The following KIRREL3 variants were observed in gnomAD, a reference collection of about 807,000 sequenced individuals.
KIRREL3 encodes kirre like nephrin family adhesion molecule 3, also known as kin of IRRE-like protein 3.
A neutral mutation model predicts 89.7 loss-of-function variants in KIRREL3; 36 were observed. The ratio of observed to expected loss-of-function variants is 0.40; its 90% CI spans 0.31 to 0.53. The LOEUF is 0.53. KIRREL3 is among the 20% of genes least tolerant of loss of function. The pLI, the probability that KIRREL3 is intolerant of heterozygous loss-of-function variation, is 0.49. For missense variants in KIRREL3, 864 were observed against 1,056.6 expected (o/e 0.82, Z 2.53); for synonymous variants, 445 against 441.4 (o/e 1.01, Z -0.10).
rs1403442707 is a variant in KIRREL3, at chr11:126,430,669, G to A, written c.1696+750C>T. ...AGTGGCAGAGGAGCAGACCCATTCT[G>A]GTGATTCATTTTTTGCATTACACTT... On this transcript the variant is annotated intron_variant, in intron 14 of 16. Transcript: ENST00000525144. This position sits in a 1 kb window ranked among gnomAD's most constrained non-coding sequence, Gnocchi z 6.6. 6.6e-6 allele frequency among the ~76,000 whole-genome samples: 1 copy of A among 152,052 alleles called. No individual in the cohort carries two copies. The highest frequency in any genetic ancestry group is 1.5e-5 in the Non-Finnish European group (1 of 68,028).
rs979471148 is a variant in KIRREL3 at position 126,463,382 on chromosome 11, C to A, written c.592-75G>T. The A allele has an allele frequency of 5.5e-6, 8 of 1,445,756 alleles. No homozygotes were observed. Among genetic ancestry groups the A allele is most frequent in the Non-Finnish European group, 7.6e-6 (8 of 1,055,038 alleles). 89.6% of individuals were successfully genotyped at this position (1,445,756 alleles called of 1,614,324 possible). ...GTGGCCAGCCTGGGTTGGGGGTAAA[C>A]GAGCACCAGCTTAGACAGAAGGGGG... On this transcript the variant is annotated intron_variant, in intron 5 of 16. Coordinates refer to ENST00000525144, the MANE Select transcript of KIRREL3 (RefSeq NM_032531.4). This position sits in a 1 kb window ranked among gnomAD's most constrained non-coding sequence, Gnocchi z 5.9.
At chr11:126,590,636 T>C (rs1356888742) in intron 1 of KIRREL3, among the ~76,000 whole-genome samples, 1 of 152,220 alleles carries the variant, frequency 6.6e-6, no homozygotes, top group Non-Finnish European at 1.5e-5. Flanking sequence ...ACTGCCACTG[T>C]ACGGTGAGTG....
At position 126,870,590 on chromosome 11, in the gene KIRREL3, G is replaced by A. The variant is rs189569564; in HGVS notation, c.55+129865C>T. On this transcript the variant is annotated intron_variant, in intron 1 of 16. Transcript: ENST00000525144. This position sits in a 1 kb window ranked among gnomAD's most constrained non-coding sequence, Gnocchi z 4.4. Reference sequence around the variant, plus strand: ...CCTGGCTCCACCATACCCTCACCATGCCAGGCTTGGCAGGCCCCAAACTGG... The same window carrying A: ...CCTGGCTCCACCATACCCTCACCATACCAGGCTTGGCAGGCCCCAAACTGG... Among the ~76,000 whole-genome samples, 68 of 152,330 alleles carry A rather than the reference G, an allele frequency of 4.5e-4. 1 individual carries two copies. Among genetic ancestry groups the A allele is most frequent in the African/African-American group, 4.6e-4 (19 of 41,588 alleles).
chr11:126,726,033 G>C (rs1009588710), intron 1 of KIRREL3, among the ~76,000 whole-genome samples: 3 of 152,142 alleles, frequency 2.0e-5, no homozygotes, highest in African/African-American at 7.2e-5. Flanking sequence ...GATAAGCATG[G>C]AAACATGTGG....
At chr11:126,632,679 CT>C (rs67753757) in intron 1 of KIRREL3, among the ~76,000 whole-genome samples, 184 of 194 alleles carry the variant, frequency 0.95, 87 homozygotes, top group African/African-American at 1. Flanking sequence ...GCTCATCCTC[CT>C]TCCCTGCCAC....
chr11:126,535,069 G>C lies in KIRREL3; in HGVS notation c.134-8382C>G, dbSNP rs1348825409. Among the ~76,000 whole-genome samples, 1 of 152,056 alleles carries C rather than the reference G, an allele frequency of 6.6e-6. No individual in the cohort carries two copies. Among genetic ancestry groups the C allele is most frequent in the African/African-American group, 2.4e-5 (1 of 41,406 alleles). ...GAGGTGGGCAGGAGGTGGAGCATTTGGTGGCCTTTTGGGGGCTCTGGTTAT... is the reference window on the plus strand; with the variant it reads ...GAGGTGGGCAGGAGGTGGAGCATTTCGTGGCCTTTTGGGGGCTCTGGTTAT... On this transcript the variant is annotated intron_variant, in intron 2 of 16. Coordinates refer to ENST00000525144, the MANE Select transcript of KIRREL3 (RefSeq NM_032531.4). The surrounding 1 kb of genome is among the most constrained non-coding windows in gnomAD (Gnocchi z 4.5).
At chr11:126,866,068 G>A (rs4936001) in intron 1 of KIRREL3, among the ~76,000 whole-genome samples, 131,886 of 152,182 alleles carry the variant, frequency 0.87, 57,542 homozygotes, top group East Asian at 1. Flanking sequence ...GTGATTTACC[G>A]GTGTCAGCCT....
intron 1 of KIRREL3, among the ~76,000 whole-genome samples, chr11:126,700,005 G>A (rs531609724): frequency 1.6e-4 from 25 of 152,190 alleles, no homozygotes; most frequent in Admixed American, 1.2e-3. Context: ...ACCAGCCCGA[G>A]CAACAAAGTG....
intron 6 of KIRREL3, among the ~76,000 whole-genome samples, chr11:126,458,566 T>C (rs1262017217): frequency 1.3e-5 from 2 of 152,180 alleles, no homozygotes; most frequent in Non-Finnish European, 2.9e-5. Context: ...GCCTGAGAGA[T>C]GGCCCCAGGG....
In KIRREL3 at chr11:126,471,371, AAAAT is replaced by A. The variant is rs34639115; in HGVS notation, c.591+1934_591+1937del. Among the ~76,000 whole-genome samples the A allele has an allele frequency of 6.8e-6, 1 of 146,248 alleles. No homozygotes were observed. Among genetic ancestry groups the A allele is most frequent in the Admixed American group, 6.9e-5 (1 of 14,576 alleles). On this transcript the variant is annotated intron_variant, in intron 5 of 16. Coordinates refer to ENST00000525144, the MANE Select transcript of KIRREL3 (RefSeq NM_032531.4). The surrounding 1 kb of genome is among the most constrained non-coding windows in gnomAD (Gnocchi z 5.4). ...GGCAACAAGAGTGAAACTCTGTCTC[AAAAT>A]AAATAAATAAATAAATAAAATAAAT...
chr11:126,447,163 T>C (rs1955852106), intron 8 of KIRREL3, among the ~76,000 whole-genome samples: 1 of 152,194 alleles, frequency 6.6e-6, no homozygotes, highest in Non-Finnish European at 1.5e-5. Flanking sequence ...GGGAAGAAGG[T>C]GCTGGGGACC....
rs935617677 is a variant in KIRREL3, at chr11:126,909,361, C to G, written c.55+91094G>C. Among the ~76,000 whole-genome samples the G allele has an allele frequency of 6.6e-6, 1 of 152,288 alleles. No homozygotes were observed. The highest frequency in any genetic ancestry group is 2.4e-5 in the African/African-American group (1 of 41,564). ...CTGAGAGTTCCTCAAGGCAAGAGAG[C>G]AAGGACGCATTGCACTCATCCTTGC... On this transcript the variant is annotated intron_variant, in intron 1 of 16. Transcript: ENST00000525144. The surrounding 1 kb of genome is among the most constrained non-coding windows in gnomAD (Gnocchi z 4.5).
intron 1 of KIRREL3, among the ~76,000 whole-genome samples, chr11:126,663,854 A>G (rs2156449): frequency 0.31 from 46,990 of 152,220 alleles, 7,514 homozygotes; most frequent in Admixed American, 0.4. Context: ...AAGATGGGGA[A>G]TGAGGAATTA....
At chr11:126,745,467 C>G (rs56687969) in intron 1 of KIRREL3, among the ~76,000 whole-genome samples, 178 of 105,628 alleles carry the variant, frequency 1.7e-3, no homozygotes, top group Non-Finnish European at 2.3e-3. Context: ...GGAAAACAAA[C>G]AAACAAACAA....
rs193157994 is a variant in KIRREL3, at chr11:126,579,946, C to T, written c.56-17034G>A. On this transcript the variant is annotated intron_variant, in intron 1 of 16. Coordinates refer to ENST00000525144, the MANE Select transcript of KIRREL3 (RefSeq NM_032531.4). The surrounding 1 kb of genome is among the most constrained non-coding windows in gnomAD (Gnocchi z 5.3). Reference sequence around the variant, plus strand: ...CTGGAAGCTCCACCTCCTGGATTCACGCCATTCTCCTGCCTCAGCCTCCCG... The same window carrying T: ...CTGGAAGCTCCACCTCCTGGATTCATGCCATTCTCCTGCCTCAGCCTCCCG... Among the ~76,000 whole-genome samples, 192 of 151,964 alleles carry T rather than the reference C, an allele frequency of 1.3e-3. 2 individuals are homozygous for T. In the East Asian group the frequency reaches 0.022, roughly 17 times the overall value.
chr11:126,903,223 A>G lies in KIRREL3; in HGVS notation c.55+97232T>C, dbSNP rs113881575. ...CATCTTTGCTATATTTAGAGGGAAA[A>G]TAACGTCCCTCTGCAATTACCATTT... On this transcript the variant is annotated intron_variant, in intron 1 of 16. Coordinates refer to ENST00000525144, the MANE Select transcript of KIRREL3 (RefSeq NM_032531.4). The surrounding 1 kb of genome is among the most constrained non-coding windows in gnomAD (Gnocchi z 4.5). Among the ~76,000 whole-genome samples the G allele has an allele frequency of 0.02, 2,991 of 152,292 alleles. 103 individuals are homozygous for G. The highest frequency in any genetic ancestry group is 0.068 in the African/African-American group (2,818 of 41,534).
At chr11:126,509,595 C>T (rs1396950776) in intron 4 of KIRREL3, among the ~76,000 whole-genome samples, 3 of 152,226 alleles carry the variant, frequency 2.0e-5, no homozygotes, top group Non-Finnish European at 4.4e-5. Flanking sequence ...ATTTTGCCAG[C>T]AGTTTGCAGA....
In KIRREL3 at chr11:126,429,772, G is replaced by A. The variant is rs1026370865; in HGVS notation, c.1697-484C>T. ...TGAGGCAGTGGGCAGCTTCTCTGTC[G>A]ACGCCTCCGTGATGGAAGCTTTACT... On this transcript the variant is annotated intron_variant, in intron 14 of 16. Transcript: ENST00000525144. The surrounding 1 kb of genome is among the most constrained non-coding windows in gnomAD (Gnocchi z 5.2). Among the ~76,000 whole-genome samples, 2 of 152,226 alleles carry A rather than the reference G, an allele frequency of 1.3e-5. No homozygotes were observed. The highest frequency in any genetic ancestry group is 2.9e-5 in the Non-Finnish European group (2 of 68,046).
At chr11:126,902,097 G>T (rs148893589) in intron 1 of KIRREL3, among the ~76,000 whole-genome samples, 2 of 152,186 alleles carry the variant, frequency 1.3e-5, no homozygotes, top group Non-Finnish European at 2.9e-5. Context: ...TGGCTCCTGG[G>T]CATCAACTTT....
Sources: gnomAD v4.1 joint callset for allele counts (sites outside exome capture counted in the v4.1 genomes callset) on GRCh38, gnomAD v4.1.1 for gene constraint, Gnocchi (gnomAD v3.1) non-coding constraint, MANE v1.5 for transcripts, NCBI Gene and HGNC (gene_info 2026-07-23, HGNC 2026-07-21) for gene names.